The following RFX7 variants were observed in gnomAD, a reference collection of about 807,000 sequenced individuals.
The protein encoded by RFX7 is DNA-binding protein RFX7.
In RFX7, 26 loss-of-function variants were observed where a neutral mutation model predicts 111.8. The observed-to-expected ratio is 0.23, with a 90% confidence interval of 0.17 to 0.32. RFX7 has a LOEUF of 0.32. Among genes scored for constraint, RFX7 ranks in the 10% least tolerant of loss-of-function variants. The pLI, the probability that RFX7 is intolerant of heterozygous loss-of-function variation, is 1.00. For missense variants in RFX7, 1,573 were observed against 1,772.9 expected (o/e 0.89, Z 2.02); for synonymous variants, 624 against 624.4 (o/e 1.00, Z 0.01).
At chr15:56,223,639 AAGAAAACT>A (rs1330555756) in intron 2 of RFX7, among the ~76,000 whole-genome samples, 1 of 152,200 alleles carries the variant, frequency 6.6e-6, no homozygotes, top group East Asian at 1.9e-4. Flanking sequence ...CATACTCATC[AAGAAAACT>A]GAAAAAATGA....
In RFX7 at chr15:56,087,933, G is replaced by T. The variant is rs1469458639; in HGVS notation, c.*5412C>A. 3.0e-6 allele frequency: 1 copy of T among 336,662 alleles called. No individual in the cohort carries two copies. The highest frequency in any genetic ancestry group is 5.8e-6 in the Non-Finnish European group (1 of 172,450). 20.9% of individuals were successfully genotyped at this position (336,662 alleles called of 1,614,324 possible). On this transcript the variant is annotated 3_prime_UTR_variant, in exon 10 of 10. Coordinates refer to ENST00000559447, the MANE Select transcript of RFX7 (RefSeq NM_022841.7). ...CTGTATGAAATATGCTTGAAAAGCT[G>T]TGTGGAAAACAAAATTTTGTTTTTA...
chr15:56,090,671 A>C lies in RFX7; in HGVS notation c.*2674T>G, dbSNP rs1029056374. 6.6e-6 allele frequency: 1 copy of C among 152,606 alleles called. No individual in the cohort carries two copies. The highest frequency in any genetic ancestry group is 2.4e-5 in the African/African-American group (1 of 41,456). The allele number at this position is 152,606 out of a possible 1,614,324, so 9.5% of individuals were successfully genotyped here. A position where few individuals can be genotyped will look rare whatever the true frequency, so the allele number is the denominator to read the frequency against. On this transcript the variant is annotated 3_prime_UTR_variant, in exon 10 of 10. Coordinates refer to ENST00000559447, the MANE Select transcript of RFX7 (RefSeq NM_022841.7). ...GTTTCAGCAGGTACAACAGACAACA[A>C]AACACTGGGGAAATCTGACTTTTTG...
chr15:56,235,639 G>C (rs1478637128), intron 2 of RFX7, among the ~76,000 whole-genome samples: 9 of 152,126 alleles, frequency 5.9e-5, no homozygotes, highest in African/African-American at 2.2e-4. Context: ...ATCTATAAGA[G>C]AGCTCAAATT....
At chr15:56,243,037 TCCGCTCC>T in intron 2 of RFX7, 81 bp downstream of exon 2, 2 of 674,254 alleles carry the variant, frequency 3.0e-6, no homozygotes, top group Non-Finnish European at 4.8e-6. Context: ...AGCCTCCTCC[TCCGCTCC>T]CCCCGCCCGC....
chr15:56,096,824 T>G (rs2041685781), intron 9 of RFX7, among the ~76,000 whole-genome samples: 1 of 152,178 alleles, frequency 6.6e-6, no homozygotes, highest in East Asian at 1.9e-4. Context: ...GCATTATAAT[T>G]AAAAAATATG....
At chr15:56,203,532 A>C (rs2043216467) in intron 2 of RFX7, among the ~76,000 whole-genome samples, 1 of 152,208 alleles carries the variant, frequency 6.6e-6, no homozygotes, top group Non-Finnish European at 1.5e-5. Flanking sequence ...GCTGAAACCT[A>C]CTGGGCTGCA....
At chr15:56,202,058 A>C (rs534104029) in intron 2 of RFX7, among the ~76,000 whole-genome samples, 2 of 152,062 alleles carry the variant, frequency 1.3e-5, no homozygotes, top group African/African-American at 4.8e-5. Flanking sequence ...AAAACAAAAC[A>C]AAAACCACAC....
At chr15:56,219,335 A>G (rs1457665602) in intron 2 of RFX7, among the ~76,000 whole-genome samples, 1 of 152,160 alleles carries the variant, frequency 6.6e-6, no homozygotes, top group African/African-American at 2.4e-5. Context: ...TGCTTAGTAC[A>G]TGTTTTTTCC....
intron 4 of RFX7, among the ~76,000 whole-genome samples, chr15:56,143,305 A>G (rs1721500869): frequency 6.6e-6 from 1 of 151,538 alleles, no homozygotes; most frequent in Non-Finnish European, 1.5e-5. Context: ...ATATATATAT[A>G]CACACATATA....
At chr15:56,135,792 A>G (rs1787263207) in intron 5 of RFX7, among the ~76,000 whole-genome samples, 2 of 151,630 alleles carry the variant, frequency 1.3e-5, no homozygotes, top group African/African-American at 4.8e-5. Flanking sequence ...TGATTTTTGT[A>G]AAAGGTGTAA....
intron 5 of RFX7, among the ~76,000 whole-genome samples, chr15:56,130,385 CAAAAT>C (rs529937594): frequency 6.6e-6 from 1 of 151,590 alleles, no homozygotes; most frequent in Non-Finnish European, 1.5e-5. Context: ...AAGTGTAAAG[CAAAAT>C]AAAATGAAAT....
chr15:56,163,118 G>A (rs1406530987), intron 3 of RFX7, among the ~76,000 whole-genome samples: 5 of 151,986 alleles, frequency 3.3e-5, no homozygotes, highest in African/African-American at 1.2e-4. Flanking sequence ...GTTGACCTTG[G>A]TCACCATTTA....
At chr15:56,155,027 G>T (rs1197330005) in intron 3 of RFX7, among the ~76,000 whole-genome samples, 1 of 152,164 alleles carries the variant, frequency 6.6e-6, no homozygotes, top group Non-Finnish European at 1.5e-5. Flanking sequence ...TAGGAAAAAT[G>T]CTCATCATCA....
At chr15:56,107,290 C>T (rs1359367159) in intron 5 of RFX7, among the ~76,000 whole-genome samples, 2 of 85,934 alleles carry the variant, frequency 2.3e-5, no homozygotes, top group Non-Finnish European at 4.3e-5. Context: ...GAGCAAGACT[C>T]CGTCTCAAAA....
intron 3 of RFX7, among the ~76,000 whole-genome samples, chr15:56,155,486 C>G (rs148242417): frequency 0.027 from 4,186 of 152,250 alleles, 79 homozygotes; most frequent in Middle Eastern, 0.044. Flanking sequence ...AAGCTGGAAA[C>G]CGTCATTCTC....
chr15:56,239,430 G>C (rs1396021444), intron 2 of RFX7, among the ~76,000 whole-genome samples: 1 of 151,546 alleles, frequency 6.6e-6, no homozygotes, highest in East Asian at 2.0e-4. Context: ...CACCACCCTC[G>C]GCTAATTTTT....
chr15:56,135,149 C>G (rs1326572472), intron 5 of RFX7, among the ~76,000 whole-genome samples: 2 of 152,174 alleles, frequency 1.3e-5, no homozygotes, highest in Non-Finnish European at 2.9e-5. Context: ...ATGGCTGGGT[C>G]AAATGGTATT....
intron 2 of RFX7, among the ~76,000 whole-genome samples, chr15:56,241,515 T>TA (rs1406793989): frequency 2.6e-5 from 4 of 152,170 alleles, no homozygotes; most frequent in African/African-American, 9.7e-5. Context: ...CATCTGAATG[T>TA]AAAACCAAGG....
chr15:56,233,489 T>A (rs558126025), intron 2 of RFX7, among the ~76,000 whole-genome samples: 3 of 151,892 alleles, frequency 2.0e-5, no homozygotes, highest in African/African-American at 4.8e-5. Flanking sequence ...GCAGTGGAAA[T>A]AGGAAGACAA....
Sources: allele counts gnomAD v4.1 joint callset (sites outside exome capture counted in the v4.1 genomes callset), GRCh38; gene constraint gnomAD v4.1.1; transcripts MANE v1.5; gene names NCBI Gene and HGNC (gene_info 2026-07-23, HGNC 2026-07-21).